Variants in ITGA8 observed in about 807,000 individuals in gnomAD.
ITGA8 encodes integrin subunit alpha 8.
ITGA8 carries 91 observed loss-of-function variants against 142.3 expected under a neutral mutation model. That is an observed-to-expected ratio of 0.64 (90% CI 0.54 to 0.76). ITGA8 has a LOEUF of 0.76. Ranked by LOEUF, ITGA8 falls within the 30% of genes least tolerant of loss-of-function variation. The pLI is 0.00. For missense variants in ITGA8, 1,406 were observed against 1,327.7 expected (o/e 1.06, Z -0.92); for synonymous variants, 505 against 485.2 (o/e 1.04, Z -0.54).
At chr10:15,708,935 C>T (rs1835311303) in intron 2 of ITGA8, among the ~76,000 whole-genome samples, 1 of 152,102 alleles carries the variant, frequency 6.6e-6, no homozygotes, top group African/African-American at 2.4e-5. Flanking sequence ...TCACACTGAA[C>T]TTACAGTGTG....
intron 2 of ITGA8, among the ~76,000 whole-genome samples, chr10:15,716,950 C>T (rs1404070587): frequency 2.6e-5 from 4 of 152,180 alleles, no homozygotes; most frequent in African/African-American, 9.7e-5. Flanking sequence ...GCATAAGCCA[C>T]CACGCCTGGC....
intron 2 of ITGA8, among the ~76,000 whole-genome samples, chr10:15,716,665 A>G (rs1835457507): frequency 9.0e-6 from 1 of 111,202 alleles, no homozygotes; most frequent in Non-Finnish European, 1.7e-5. Flanking sequence ...AATATAACCT[A>G]TTGTATTTTT....
In ITGA8 at chr10:15,515,542, C is replaced by T. The variant is rs1832950553; in HGVS notation, c.*1616G>A. 6.6e-6 allele frequency: 1 copy of T among 150,970 alleles called. No homozygotes were observed. Among genetic ancestry groups the T allele is most frequent in the Non-Finnish European group, 1.5e-5 (1 of 67,846 alleles). 9.4% of individuals were successfully genotyped at this position (150,970 alleles called of 1,614,324 possible). On this transcript the variant is annotated 3_prime_UTR_variant, in exon 30 of 30. Coordinates refer to ENST00000378076, the MANE Select transcript of ITGA8 (RefSeq NM_003638.3). ...GTTGAAATCAGGACACAAAGTTTTC[C>T]AACAGCTTTGTAAACTTAAGGATTT...
At chr10:15,540,401 T>A (rs1374882686) in intron 27 of ITGA8, among the ~76,000 whole-genome samples, 4 of 152,228 alleles carry the variant, frequency 2.6e-5, no homozygotes. Context: ...TTTGTCTTTC[T>A]GTGCCTGGCT....
chr10:15,520,025 G>A (rs1315107612), intron 28 of ITGA8, among the ~76,000 whole-genome samples: 1 of 152,196 alleles, frequency 6.6e-6, no homozygotes, highest in Non-Finnish European at 1.5e-5. Context: ...CCCAGAGCAT[G>A]AGGCTAGGCA....
At chr10:15,656,597 C>A (rs952195952) in intron 10 of ITGA8, among the ~76,000 whole-genome samples, 4 of 152,124 alleles carry the variant, frequency 2.6e-5, no homozygotes, top group African/African-American at 9.7e-5. Context: ...TTCCTGACCT[C>A]AGGTGATCCA....
intron 27 of ITGA8, among the ~76,000 whole-genome samples, chr10:15,540,906 A>G (rs1163101570): frequency 6.6e-6 from 1 of 152,212 alleles, no homozygotes; most frequent in Non-Finnish European, 1.5e-5. Flanking sequence ...CGCCAGCACC[A>G]TGACAGTTTA....
intron 8 of ITGA8, among the ~76,000 whole-genome samples, chr10:15,665,704 G>A (rs1438622641): frequency 1.3e-5 from 2 of 152,196 alleles, no homozygotes; most frequent in Non-Finnish European, 2.9e-5. Flanking sequence ...TAAGGTATAA[G>A]GAAGGGAATG....
intron 27 of ITGA8, among the ~76,000 whole-genome samples, chr10:15,535,591 C>CCACACTCTGTAT (rs1168040007): frequency 1.3e-5 from 2 of 152,132 alleles, no homozygotes; most frequent in African/African-American, 4.8e-5. Context: ...ACCTTTATGT[C>CCACACTCTGTAT]CACACTCTGT....
intron 1 of ITGA8, 63 bp downstream of exon 1, chr10:15,719,500 G>A: frequency 7.0e-7 from 1 of 1,426,950 alleles, no homozygotes; most frequent in Non-Finnish European, 9.2e-7. Flanking sequence ...CGGCAGAGCC[G>A]CTGGGACCTG....
intron 29 of ITGA8, 27 bp downstream of exon 29, chr10:15,519,263 A>G: frequency 6.2e-7 from 1 of 1,612,010 alleles, no homozygotes; most frequent in Admixed American, 1.7e-5. Context: ...CTCTAGTTTA[A>G]AAGGAAAACA....
intron 8 of ITGA8, 104 bp from the exon 9 acceptor site, chr10:15,661,026 G>A (rs1338875117): frequency 9.3e-7 from 1 of 1,071,826 alleles, no homozygotes; most frequent in Non-Finnish European, 1.4e-6. Context: ...TGTAAAATGA[G>A]TGGCTATCAT....
intron 28 of ITGA8, among the ~76,000 whole-genome samples, chr10:15,520,176 C>G (rs1452218441): frequency 6.6e-6 from 1 of 152,048 alleles, no homozygotes; most frequent in Non-Finnish European, 1.5e-5. Context: ...CTTTGGGAGG[C>G]CAAGGTGGGT....
At chr10:15,564,306 A>G (rs1338261731) in intron 25 of ITGA8, among the ~76,000 whole-genome samples, 1 of 152,248 alleles carries the variant, frequency 6.6e-6, no homozygotes, top group Non-Finnish European at 1.5e-5. Flanking sequence ...ACAACAGTTA[A>G]AGCCCATTTT....
intron 2 of ITGA8, among the ~76,000 whole-genome samples, chr10:15,713,977 C>A (rs1835406397): frequency 6.6e-6 from 1 of 152,036 alleles, no homozygotes; most frequent in Non-Finnish European, 1.5e-5. Context: ...CTCAATGGCA[C>A]CTCCTACCTC....
At chr10:15,533,035 T>TC (rs1208356821) in intron 27 of ITGA8, among the ~76,000 whole-genome samples, 5 of 152,138 alleles carry the variant, frequency 3.3e-5, no homozygotes, top group Non-Finnish European at 7.4e-5. Context: ...ATGTTACGGA[T>TC]CGGGGCTCTT....
chr10:15,586,849 G>A (rs1044758352), intron 22 of ITGA8, among the ~76,000 whole-genome samples, 185 bp from the exon 23 acceptor site: 6 of 151,978 alleles, frequency 3.9e-5, no homozygotes, highest in African/African-American at 1.4e-4. Context: ...GATCTTTTAT[G>A]ATCAATAGTA....
chr10:15,641,596 C>G (rs4748190), intron 13 of ITGA8, among the ~76,000 whole-genome samples: 140,482 of 152,098 alleles, frequency 0.92, 65,730 homozygotes, highest in Non-Finnish European at 1. Flanking sequence ...ACAGAATTGG[C>G]GCCAGAACCC....
At chr10:15,656,615 G>C (rs564538436) in intron 10 of ITGA8, among the ~76,000 whole-genome samples, 2 of 151,976 alleles carry the variant, frequency 1.3e-5, no homozygotes, top group Non-Finnish European at 2.9e-5. Context: ...CCACCCACTC[G>C]GCCTCCCAAA....
Sources: gnomAD v4.1 joint callset for allele counts (sites outside exome capture counted in the v4.1 genomes callset) on GRCh38, gnomAD v4.1.1 for gene constraint, MANE v1.5 for transcripts, NCBI Gene and HGNC (gene_info 2026-07-23, HGNC 2026-07-21) for gene names.